The following SOS1 variants were observed in gnomAD, a reference collection of about 807,000 sequenced individuals.
SOS1 encodes SOS Ras/Rac guanine nucleotide exchange factor 1.
SOS1 carries 25 observed loss-of-function variants against 157.6 expected under a neutral mutation model. The ratio of observed to expected loss-of-function variants is 0.16; its 90% confidence interval spans 0.12 to 0.22. The LOEUF is 0.22. Among genes scored for constraint, SOS1 ranks in the 10% least tolerant of loss-of-function variants. SOS1 has a pLI of 1.00. For missense variants in SOS1, 1,237 were observed against 1,599.1 expected (o/e 0.77, Z 3.86); for synonymous variants, 528 against 534.0 (o/e 0.99, Z 0.16).
chr2:39,094,634 C>A (rs576027092), intron 1 of SOS1, among the ~76,000 whole-genome samples: 3 of 146,906 alleles, frequency 2.0e-5, no homozygotes, highest in East Asian at 4.0e-4. Context: ...GCCTGGACGA[C>A]AGAGCAAGAC....
intron 1 of SOS1, among the ~76,000 whole-genome samples, chr2:39,099,318 C>T (rs551060807): frequency 6.6e-6 from 1 of 152,240 alleles, no homozygotes. Context: ...ACCTTGAAAA[C>T]ATTTTGCTAA....
intron 1 of SOS1, among the ~76,000 whole-genome samples, chr2:39,083,030 C>T (rs560664380): frequency 1.6e-4 from 25 of 152,276 alleles, no homozygotes; most frequent in Non-Finnish European, 2.9e-4. Flanking sequence ...AGCAAGTTAT[C>T]TCAGCAGACG....
chr2:39,020,660 T>C (rs1197680737), intron 10 of SOS1, among the ~76,000 whole-genome samples: 1 of 151,694 alleles, frequency 6.6e-6, no homozygotes, highest in Non-Finnish European at 1.5e-5. Flanking sequence ...GCCTTAAAAG[T>C]CCATTTCAGT....
At chr2:39,104,261 G>T (rs553442104) in intron 1 of SOS1, among the ~76,000 whole-genome samples, 25 of 152,008 alleles carry the variant, frequency 1.6e-4, no homozygotes, top group Admixed American at 9.8e-4. Flanking sequence ...CAGCCTGGGG[G>T]ACAACAGCAA....
intron 1 of SOS1, among the ~76,000 whole-genome samples, chr2:39,102,530 CAAAAAA>C (rs70954782): frequency 4.2e-3 from 214 of 50,606 alleles, no homozygotes; most frequent in Non-Finnish European, 5.9e-3. Flanking sequence ...GACTCCATCT[CAAAAAA>C]AAAAAAAAAA....
intron 1 of SOS1, among the ~76,000 whole-genome samples, chr2:39,099,734 C>T (rs899249165): frequency 6.6e-6 from 1 of 151,978 alleles, no homozygotes; most frequent in African/African-American, 2.4e-5. Context: ...GTTTACAAAC[C>T]ATATATCTTT....
upstream of SOS1, among the ~76,000 whole-genome samples, chr2:39,123,841 G>C (rs962769310): frequency 3.9e-5 from 6 of 152,222 alleles, no homozygotes. Flanking sequence ...GGGGTGTGCA[G>C]GTAAAAAGCG....
chr2:38,997,177 A>T, intron 18 of SOS1, 76 bp downstream of exon 18: 1 of 1,267,970 alleles, frequency 7.9e-7, no homozygotes, highest in South Asian at 1.3e-5. Flanking sequence ...TTTCTCCCCT[A>T]TAAAATAAAC....
In SOS1 at chr2:39,054,752, G is replaced by A. The variant is rs746685895; in HGVS notation, c.582C>T (p.Ser194=). 8 of 1,592,948 alleles carry A rather than the reference G, an allele frequency of 5.0e-6. No individual in the cohort carries two copies. The South Asian group carries it at 8.8e-5, about 18-fold the overall frequency. Residue 194 remains serine (S), a synonymous_variant, in exon 5 of 23, where the codon TCC becomes TCT. Transcript: ENST00000402219. ...NILSLTDEEP[S]TSGEQTYYDL... ...CATAGTAAGTTTGTTCTCCTGAGGT[G>A]GAAGGCTCTTCGTCAGTTAAAGATA...
intron 1 of SOS1, among the ~76,000 whole-genome samples, chr2:39,085,825 A>G (rs926349518): frequency 1.3e-5 from 2 of 152,222 alleles, no homozygotes; most frequent in African/African-American, 4.8e-5. Context: ...GCACACATTC[A>G]ACAGATAGTA....
Position 39,014,856 on chromosome 2 carries a change from A to G in SOS1, c.1859-10T>C. On this transcript the variant is annotated splice_polypyrimidine_tract_variant and intron_variant, in intron 10 of 22. Coordinates refer to ENST00000402219, the MANE Select transcript of SOS1 (RefSeq NM_005633.4). ...CGAACAAAATTGGGATCTAAGAAGA[A>G]AAAGGAAAAATATCTTATTAAACTC... The G allele has an allele frequency of 2.1e-6, 3 of 1,432,632 alleles. No individual in the cohort carries two copies. The African/African-American group carries it at 4.2e-5, about 20-fold the overall frequency. The allele number at this position is 1,432,632 out of a possible 1,614,324, so 88.7% of individuals were successfully genotyped here. A position where few individuals can be genotyped will look rare whatever the true frequency, so the allele number is the denominator to read the frequency against.
chr2:39,079,079 A>G (rs1242353941), intron 1 of SOS1, among the ~76,000 whole-genome samples: 2 of 6,824 alleles, frequency 2.9e-4, no homozygotes, highest in African/African-American at 2.0e-3. Flanking sequence ...AAAAAAAAAA[A>G]AAAAAAAAGT....
chr2:39,084,615 AATAAAAT>A (rs1304944942), intron 1 of SOS1, among the ~76,000 whole-genome samples: 1 of 152,260 alleles, frequency 6.6e-6, no homozygotes, highest in African/African-American at 2.4e-5. Flanking sequence ...GTGTATATAA[AATAAAAT>A]ATAAATTTAA....
At chr2:39,101,956 C>T (rs1468792403) in intron 1 of SOS1, among the ~76,000 whole-genome samples, 1 of 151,700 alleles carries the variant, frequency 6.6e-6, no homozygotes, top group Non-Finnish European at 1.5e-5. Flanking sequence ...GCCTGTAATC[C>T]CAGCACTTTG....
chr2:39,113,974 A>G (rs1407844417), intron 1 of SOS1, among the ~76,000 whole-genome samples: 3 of 152,230 alleles, frequency 2.0e-5, no homozygotes, highest in South Asian at 2.1e-4. Context: ...TTCTACTATC[A>G]CAATAAAACT....
At chr2:39,095,867 G>A (rs917954306) in intron 1 of SOS1, among the ~76,000 whole-genome samples, 2 of 152,076 alleles carry the variant, frequency 1.3e-5, no homozygotes, top group Admixed American at 1.3e-4. Context: ...CTGACCAAAG[G>A]CAATTAGGAA....
intron 17 of SOS1, among the ~76,000 whole-genome samples, chr2:39,005,647 T>A (rs1275735067): frequency 6.6e-6 from 1 of 151,990 alleles, no homozygotes; most frequent in East Asian, 1.9e-4. Flanking sequence ...TGGGAAAATA[T>A]ATTAAAAGTA....
At chr2:39,074,102 C>T (rs560194446) in intron 1 of SOS1, among the ~76,000 whole-genome samples, 6 of 152,162 alleles carry the variant, frequency 3.9e-5, no homozygotes, top group South Asian at 2.1e-4. Flanking sequence ...GTAATCCCAG[C>T]ACTTTGGGAG....
At chr2:39,011,610 T>A (rs1227462067) in intron 14 of SOS1, among the ~76,000 whole-genome samples, 2 of 152,222 alleles carry the variant, frequency 1.3e-5, no homozygotes, top group African/African-American at 4.8e-5. Flanking sequence ...GTAGTCTCCA[T>A]TTAAAATCAG....
Sources: gnomAD v4.1 joint callset for allele counts (sites outside exome capture counted in the v4.1 genomes callset) on GRCh38, gnomAD v4.1.1 for gene constraint, MANE v1.5 for transcripts, NCBI Gene and HGNC (gene_info 2026-07-23, HGNC 2026-07-21) for gene names.